ZRANB3: variants seen among roughly 807,000 people sequenced by gnomAD.
ZRANB3 encodes zinc finger RANBP2-type containing 3.
ZRANB3 carries 125 observed loss-of-function variants against 133.8 expected under a neutral mutation model. The ratio of observed to expected loss-of-function variants is 0.93; its 90% CI spans 0.81 to 1.08. The LOEUF (loss-of-function observed/expected upper bound fraction) is 1.08, where lower values mean the gene tolerates loss of function less well. ZRANB3 is among the 50% of genes least tolerant of loss of function. The pLI, the probability that ZRANB3 is intolerant of heterozygous loss-of-function variation, is 0.00. For missense variants in ZRANB3, 1,229 were observed against 1,275.5 expected (o/e 0.96, Z 0.56); for synonymous variants, 387 against 432.7 (o/e 0.89, Z 1.31).
At chr2:135,517,374 C>A (rs1243148140) in intron 1 of ZRANB3, among the ~76,000 whole-genome samples, 2 of 152,012 alleles carry the variant, frequency 1.3e-5, no homozygotes, top group African/African-American at 4.8e-5. Context: ...AATTTTCAGC[C>A]TTTTTGTGCT....
intron 14 of ZRANB3, among the ~76,000 whole-genome samples, chr2:135,225,876 C>G (rs904269635): frequency 4.6e-5 from 7 of 152,124 alleles, no homozygotes; most frequent in Admixed American, 2.0e-4. Flanking sequence ...GAAGCAAGAG[C>G]TCTGCAAATA....
chr2:135,275,609 G>T, intron 9 of ZRANB3, 27 bp downstream of exon 9: 1 of 1,547,074 alleles, frequency 6.5e-7, no homozygotes. Context: ...ATTCTAAAAA[G>T]TATTTAGTTA....
chr2:135,260,833 T>C (rs1679924856), intron 12 of ZRANB3, among the ~76,000 whole-genome samples: 1 of 145,348 alleles, frequency 6.9e-6, no homozygotes, highest in Non-Finnish European at 1.5e-5. Flanking sequence ...ATATATTCTA[T>C]ATATATACTA....
chr2:135,479,615 G>A (rs775639016), intron 2 of ZRANB3, among the ~76,000 whole-genome samples: 10 of 151,972 alleles, frequency 6.6e-5, no homozygotes, highest in African/African-American at 1.7e-4. Flanking sequence ...GCAGTGAGCC[G>A]AGATTGTGCC....
chr2:135,516,714 T>C (rs1487628960), intron 1 of ZRANB3, among the ~76,000 whole-genome samples: 1 of 152,204 alleles, frequency 6.6e-6, no homozygotes, highest in African/African-American at 2.4e-5. Flanking sequence ...ATTTTTTCCT[T>C]CATTTCAACC....
chr2:135,491,575 G>A (rs981734819), intron 2 of ZRANB3, among the ~76,000 whole-genome samples: 8 of 150,804 alleles, frequency 5.3e-5, no homozygotes, highest in East Asian at 3.9e-4. Context: ...GTGCAGTGGC[G>A]CAATCTCAGC....
intron 2 of ZRANB3, among the ~76,000 whole-genome samples, chr2:135,392,355 AG>A (rs368812483): frequency 0.19 from 15,532 of 81,886 alleles, 1,317 homozygotes; most frequent in South Asian, 0.43. Context: ...AAAAAAAAAA[AG>A]GGGGGGGGGG....
intron 2 of ZRANB3, among the ~76,000 whole-genome samples, chr2:135,451,480 T>C (rs554763939): frequency 6.6e-6 from 1 of 152,020 alleles, no homozygotes; most frequent in East Asian, 1.9e-4. Context: ...GAGAATCATT[T>C]AAACCTGGGA....
intron 3 of ZRANB3, among the ~76,000 whole-genome samples, chr2:135,378,619 C>A (rs1396272149): frequency 1.3e-5 from 2 of 151,970 alleles, no homozygotes; most frequent in African/African-American, 4.8e-5. Context: ...TATACAGTAA[C>A]AAAACCTGGC....
intron 2 of ZRANB3, 42 bp from the exon 3 acceptor site, chr2:135,390,862 C>G: frequency 6.7e-7 from 1 of 1,493,288 alleles, no homozygotes; most frequent in Non-Finnish European, 8.9e-7. Flanking sequence ...CAGAGTGAAC[C>G]TTTTTCCTTT....
intron 6 of ZRANB3, among the ~76,000 whole-genome samples, chr2:135,326,673 G>A (rs966515907): frequency 7.9e-5 from 12 of 151,698 alleles, no homozygotes; most frequent in Admixed American, 3.9e-4. Context: ...AGGCTGAGGC[G>A]GGCAGATCAT....
intron 12 of ZRANB3, among the ~76,000 whole-genome samples, chr2:135,241,521 T>C (rs1695553593): frequency 6.6e-6 from 1 of 152,168 alleles, no homozygotes; most frequent in Non-Finnish European, 1.5e-5. Context: ...ATAGATTTTC[T>C]CTTCAAATGT....
intron 2 of ZRANB3, among the ~76,000 whole-genome samples, chr2:135,449,031 A>G (rs1033418501): frequency 1.3e-5 from 2 of 152,106 alleles, no homozygotes; most frequent in African/African-American, 4.8e-5. Context: ...TTACAACTAC[A>G]CTGTAATACT....
At chr2:135,483,817 G>A (rs889741951) in intron 2 of ZRANB3, among the ~76,000 whole-genome samples, 3 of 152,136 alleles carry the variant, frequency 2.0e-5, no homozygotes, top group African/African-American at 7.2e-5. Context: ...TTGTGTCTTT[G>A]TTGTCGTTGG....
At chr2:135,349,962 C>A (rs1288985124) in intron 5 of ZRANB3, 22 bp downstream of exon 5, 6 of 1,603,238 alleles carry the variant, frequency 3.7e-6, no homozygotes, top group South Asian at 1.1e-5. Flanking sequence ...CTTTTAAGTT[C>A]GAAGTATAAG....
At chr2:135,225,053 T>C (rs146549529) in intron 14 of ZRANB3, among the ~76,000 whole-genome samples, 1 of 152,296 alleles carries the variant, frequency 6.6e-6, no homozygotes, top group East Asian at 1.9e-4. Flanking sequence ...TACTGTCCAA[T>C]ATATTTTGCA....
chr2:135,258,215 C>T (rs1423794507), intron 12 of ZRANB3, among the ~76,000 whole-genome samples: 3 of 152,038 alleles, frequency 2.0e-5, no homozygotes, highest in African/African-American at 7.2e-5. Flanking sequence ...AGATGTTAGT[C>T]ATTATTATTG....
At chr2:135,482,215 G>A (rs1269927656) in intron 2 of ZRANB3, among the ~76,000 whole-genome samples, 11 of 139,948 alleles carry the variant, frequency 7.9e-5, no homozygotes, top group East Asian at 2.0e-4. Flanking sequence ...GCAGTATGGC[G>A]ATTTTCACGA....
At chr2:135,344,435 G>A (rs1684828850) in intron 6 of ZRANB3, among the ~76,000 whole-genome samples, 1 of 152,108 alleles carries the variant, frequency 6.6e-6, no homozygotes, top group Admixed American at 6.6e-5. Context: ...AATAGATACA[G>A]CATTTAAAAT....
Sources: gnomAD v4.1 joint callset for allele counts (sites outside exome capture counted in the v4.1 genomes callset) on GRCh38, gnomAD v4.1.1 for gene constraint, MANE v1.5 for transcripts, NCBI Gene and HGNC (gene_info 2026-07-23, HGNC 2026-07-21) for gene names.